Variants in PDE5A observed in about 807,000 individuals in gnomAD.
PDE5A encodes phosphodiesterase 5A.
PDE5A carries 67 observed loss-of-function variants against 110.2 expected under a neutral mutation model. That is an observed-to-expected ratio of 0.61 (90% CI 0.50 to 0.75). PDE5A has a LOEUF of 0.75. PDE5A is among the 30% of genes least tolerant of loss of function. The probability of loss-of-function intolerance (pLI) is 0.00; values close to 1 mark genes in which losing one functional copy is unlikely to be tolerated. For missense variants in PDE5A, 862 were observed against 1,045.1 expected, an observed-to-expected ratio of 0.82 and a Z score of 2.42; for synonymous variants, 328 against 351.2, an observed-to-expected ratio of 0.93 and a Z score of 0.74.
At chr4:119,602,144 T>C (rs1004406345) in intron 2 of PDE5A, among the ~76,000 whole-genome samples, 1 of 152,268 alleles carries the variant, frequency 6.6e-6, no homozygotes, top group East Asian at 1.9e-4. Flanking sequence ...TCTATCAATA[T>C]AAAATTTCCT....
chr4:119,583,988 G>T (rs536276810), intron 3 of PDE5A, among the ~76,000 whole-genome samples: 1 of 152,260 alleles, frequency 6.6e-6, no homozygotes, highest in South Asian at 2.1e-4. Flanking sequence ...AATGATTCTG[G>T]ACATAGAGGA....
At chr4:119,558,971 C>T (rs1407237402) in intron 7 of PDE5A, among the ~76,000 whole-genome samples, 1 of 149,092 alleles carries the variant, frequency 6.7e-6, no homozygotes, top group African/African-American at 2.5e-5. Flanking sequence ...TAAGCTATTA[C>T]TGTTGAAATG....
chr4:119,594,305 C>T (rs1049040430), intron 3 of PDE5A, among the ~76,000 whole-genome samples: 2 of 152,250 alleles, frequency 1.3e-5, no homozygotes, highest in South Asian at 2.1e-4. Flanking sequence ...AAATTGTTCA[C>T]ACTATCTAGA....
intron 9 of PDE5A, among the ~76,000 whole-genome samples, chr4:119,546,847 G>A (rs952326611): frequency 1.3e-5 from 2 of 151,758 alleles, no homozygotes; most frequent in African/African-American, 4.8e-5. Context: ...TGTAGTAAAT[G>A]GTTTTATTTT....
chr4:119,585,189 C>T (rs13137511), intron 3 of PDE5A, among the ~76,000 whole-genome samples: 15,546 of 151,192 alleles, frequency 0.1, 1,034 homozygotes, highest in Non-Finnish European at 0.15. Flanking sequence ...GCAGGAGAAT[C>T]GCTTGAACCC....
rs778645686 is a variant in PDE5A, at chr4:119,627,086, C to A, written c.152+1434G>T. The A allele has an allele frequency of 5.6e-6, 9 of 1,603,190 alleles. No homozygotes were observed. The Admixed American group carries it at 1.4e-4, about 24-fold the overall frequency. On this transcript the variant is annotated intron_variant, in intron 1 of 20. Transcript: ENST00000354960. The surrounding 1 kb of genome is among the most constrained non-coding windows in gnomAD (Gnocchi z 4.6). Reference sequence around the variant, plus strand: ...GCCACCGGGGCGCCACCACCCAGCACCCGAGACCCGCCGCGCCCCCGGAAA... The same window carrying A: ...GCCACCGGGGCGCCACCACCCAGCAACCGAGACCCGCCGCGCCCCCGGAAA...
At chr4:119,505,217 T>C (rs1377331999) in intron 17 of PDE5A, among the ~76,000 whole-genome samples, 5 of 151,940 alleles carry the variant, frequency 3.3e-5, no homozygotes, top group Non-Finnish European at 7.4e-5. Context: ...ATTCTCTACA[T>C]TGAACTCTAT....
At chr4:119,538,266 G>C (rs1249201997) in intron 11 of PDE5A, among the ~76,000 whole-genome samples, 1 of 152,118 alleles carries the variant, frequency 6.6e-6, no homozygotes, top group African/African-American at 2.4e-5. Context: ...GACAGAAAAA[G>C]ACTCTCAATG....
intron 1 of PDE5A, 54 bp from the exon 2 acceptor site, chr4:119,607,351 G>T: frequency 9.3e-7 from 1 of 1,080,034 alleles, no homozygotes; most frequent in Non-Finnish European, 1.3e-6. Context: ...AGGGTGCTAT[G>T]CCTGAGAGCT....
chr4:119,530,901 T>G (rs1407757779), intron 11 of PDE5A, among the ~76,000 whole-genome samples: 1 of 152,176 alleles, frequency 6.6e-6, no homozygotes, highest in African/African-American at 2.4e-5. Flanking sequence ...ATTCAATTTA[T>G]TTTCTTTTGA....
intron 14 of PDE5A, among the ~76,000 whole-genome samples, chr4:119,511,756 G>A (rs1030984004): frequency 6.6e-6 from 1 of 152,088 alleles, no homozygotes; most frequent in Non-Finnish European, 1.5e-5. Context: ...AGAATATCCT[G>A]CTAGTTCTGC....
rs776357461 is a variant in PDE5A, at chr4:119,607,238, C to A, written c.212G>T (p.Gly71Val). 6.2e-7 allele frequency: 1 copy of A among 1,613,866 alleles called. No homozygotes were observed. The highest frequency in any genetic ancestry group is 8.5e-7 in the Non-Finnish European group (1 of 1,180,010). The change falls in exon 2 of 21, where the codon GGT becomes GTT. Residue 71 changes from glycine to valine, a missense_variant. Physicochemically the swap from Gly to Val is moderately radical, Grantham distance 109. Coordinates refer to ENST00000354960, the MANE Select transcript of PDE5A (RefSeq NM_001083.4). ...GCAAGATTCGGTGTGGCCTCTGATA[C>A]CTTCCTTGCACACAGGGATGGTGTG... ...RVHTIPVCKE[G>V]IRGHTESCSC...
At chr4:119,626,569 A>AT (rs1730354234) in intron 1 of PDE5A, among the ~76,000 whole-genome samples, 1 of 152,182 alleles carries the variant, frequency 6.6e-6, no homozygotes, top group Non-Finnish European at 1.5e-5. Flanking sequence ...ATGCGCTGTA[A>AT]TTCAAGGAGA....
chr4:119,505,463 G>A (rs911771505), intron 17 of PDE5A, among the ~76,000 whole-genome samples: 3 of 151,834 alleles, frequency 2.0e-5, no homozygotes, highest in Non-Finnish European at 4.4e-5. Context: ...TGACCTCACT[G>A]CTCTACCTTT....
intron 2 of PDE5A, among the ~76,000 whole-genome samples, chr4:119,602,493 C>T (rs1240870937): frequency 6.6e-6 from 1 of 152,122 alleles, no homozygotes; most frequent in African/African-American, 2.4e-5. Context: ...TTTTCTTCCA[C>T]AGAGTGGAAT....
At chr4:119,536,927 G>A (rs2110482596) in intron 11 of PDE5A, among the ~76,000 whole-genome samples, 1 of 152,314 alleles carries the variant, frequency 6.6e-6, no homozygotes, top group East Asian at 1.9e-4. Flanking sequence ...CATTTAGGTT[G>A]TGGATTCAGT....
At chr4:119,615,615 CAAA>C (rs56177504) in intron 1 of PDE5A, among the ~76,000 whole-genome samples, 5 of 130,318 alleles carry the variant, frequency 3.8e-5, no homozygotes, top group East Asian at 2.2e-4. Context: ...CTACTAAGTT[CAAA>C]AAAAAAAAAA....
At chr4:119,588,963 G>C (rs896073065) in intron 3 of PDE5A, among the ~76,000 whole-genome samples, 2 of 151,766 alleles carry the variant, frequency 1.3e-5, no homozygotes, top group Admixed American at 1.3e-4. Flanking sequence ...ATAAAATCAA[G>C]ATGATAAGAT....
At chr4:119,623,281 T>G (rs1730226230) in intron 1 of PDE5A, among the ~76,000 whole-genome samples, 1 of 152,242 alleles carries the variant, frequency 6.6e-6, no homozygotes, top group Non-Finnish European at 1.5e-5. Flanking sequence ...TAGGAAGTCC[T>G]GCAAAGTCAG....
Sources: allele counts gnomAD v4.1 joint callset (sites outside exome capture counted in the v4.1 genomes callset), GRCh38; gene constraint gnomAD v4.1.1; non-coding constraint Gnocchi (gnomAD v3.1); transcripts MANE v1.5; gene names NCBI Gene and HGNC (gene_info 2026-07-23, HGNC 2026-07-21).